Variants in TEAD4 observed in about 807,000 individuals in gnomAD.
The protein encoded by TEAD4 is TEA domain transcription factor 4.
A neutral mutation model predicts 52.4 loss-of-function variants in TEAD4; 36 were observed. That is an observed-to-expected ratio of 0.69 (90% CI 0.53 to 0.91). The LOEUF is 0.91. Ranked by LOEUF, TEAD4 falls within the 40% of genes least tolerant of loss-of-function variation. The pLI is 0.00. For synonymous variants in TEAD4, 220 were observed against 231.0 expected, an observed-to-expected ratio of 0.95 and a Z score of 0.43; for missense variants, 508 against 583.9, an observed-to-expected ratio of 0.87 and a Z score of 1.34.
chr12:3,038,603 C>G (rs904888776), intron 11 of TEAD4, among the ~76,000 whole-genome samples: 5 of 152,202 alleles, frequency 3.3e-5, no homozygotes, highest in African/African-American at 7.2e-5. Context: ...AGACCCTGCT[C>G]TAATGGAAGT....
intron 3 of TEAD4, among the ~76,000 whole-genome samples, chr12:3,004,671 A>G (rs912514168): frequency 1.3e-5 from 2 of 152,226 alleles, no homozygotes; most frequent in African/African-American, 2.4e-5. Flanking sequence ...GAAAGGGTGA[A>G]TGCAGATAAA....
intron 10 of TEAD4, among the ~76,000 whole-genome samples, chr12:3,036,288 G>C (rs1209056908): frequency 6.6e-6 from 1 of 152,100 alleles, no homozygotes; most frequent in Non-Finnish European, 1.5e-5. Context: ...TGTGTTTGTA[G>C]TCATCCATGA....
chr12:2,968,801 A>C (rs2098222725), intron 2 of TEAD4, among the ~76,000 whole-genome samples: 2 of 151,964 alleles, frequency 1.3e-5, no homozygotes, highest in Non-Finnish European at 2.9e-5. Flanking sequence ...GGTTTGTGCC[A>C]CCATGCCCTG....
At chr12:3,017,119 C>A in intron 5 of TEAD4, 1 of 581,414 alleles carries the variant, frequency 1.7e-6, no homozygotes. Flanking sequence ...AGAAGGTGGC[C>A]CCGTAATTAA....
Position 2,994,833 on chromosome 12 carries a change from A to C in TEAD4, c.67A>C (p.Thr23Pro), listed in dbSNP as rs758180158. The C allele has an allele frequency of 6.2e-7, 1 of 1,613,976 alleles. No individual in the cohort carries two copies. The highest frequency in any genetic ancestry group is 1.1e-5 in the South Asian group (1 of 91,076). ...CTCTCCCACCTCCCCTGAGGGGAGC[A>C]CCGCCTCTGGGGGCAGTCAGGCACT... Residue 23 changes from threonine (T) to proline (P), a missense_variant, in exon 3 of 13, where the codon ACC becomes CCC. By Grantham distance (38) the Thr-to-Pro change is conservative. Coordinates refer to ENST00000359864, the MANE Select transcript of TEAD4 (RefSeq NM_003213.4). This position sits in a 1 kb window ranked among gnomAD's most constrained non-coding sequence, Gnocchi z 4.7.
intron 10 of TEAD4, among the ~76,000 whole-genome samples, chr12:3,033,143 C>G (rs1023170537): frequency 1.3e-5 from 2 of 152,182 alleles, no homozygotes; most frequent in Non-Finnish European, 2.9e-5. Flanking sequence ...TCAGAACCCC[C>G]TTGGAGTGGG....
intron 8 of TEAD4, 78 bp from the exon 9 acceptor site, chr12:3,020,556 G>A (rs183199788): frequency 1.4e-6 from 2 of 1,440,358 alleles, no homozygotes; most frequent in East Asian, 5.3e-5. Flanking sequence ...GTCCGAGGAG[G>A]CCTGGGGTCC....
At chr12:3,011,391 C>T (rs545450514) in intron 4 of TEAD4, among the ~76,000 whole-genome samples, 54 of 152,140 alleles carry the variant, frequency 3.5e-4, no homozygotes, top group Middle Eastern at 6.8e-3. Context: ...CCACAATGCC[C>T]GGCTAATTTT....
At chr12:2,986,123 A>C (rs2098238304) in intron 2 of TEAD4, among the ~76,000 whole-genome samples, 1 of 152,156 alleles carries the variant, frequency 6.6e-6, no homozygotes, top group South Asian at 2.1e-4. Context: ...ATAAAAACAG[A>C]GACAAACGCA....
In TEAD4 at chr12:2,994,760, C is replaced by T. The variant is rs768112007; in HGVS notation, c.-7C>T. 14 of 1,601,032 alleles carry T rather than the reference C, an allele frequency of 8.7e-6. No homozygotes were observed. Among genetic ancestry groups the T allele is most frequent in the Admixed American group, 5.1e-5 (3 of 58,710 alleles). ...CAGGTCCAACGAGCGCTCCTCCAAG[C>T]GGAGCCTTGGAGGGCACGGCCGGCA... On this transcript the variant is annotated 5_prime_UTR_variant, in exon 3 of 13. Transcript: ENST00000359864. This position sits in a 1 kb window ranked among gnomAD's most constrained non-coding sequence, Gnocchi z 4.7.
intron 10 of TEAD4, among the ~76,000 whole-genome samples, chr12:3,029,908 GGAC>G (rs1487960840): frequency 3.9e-5 from 6 of 152,232 alleles, no homozygotes; most frequent in Admixed American, 3.9e-4. Context: ...TGTGTTTACT[GGAC>G]TTTTTTTTCC....
intron 3 of TEAD4, among the ~76,000 whole-genome samples, chr12:3,005,521 G>C (rs961198732): frequency 3.3e-5 from 5 of 151,584 alleles, no homozygotes; most frequent in Non-Finnish European, 5.9e-5. Context: ...TTTTGAGACA[G>C]AGTCTCGCTC....
intron 3 of TEAD4, 46 bp from the exon 4 acceptor site, chr12:3,010,958 G>T (rs2098259817): frequency 6.2e-7 from 1 of 1,611,830 alleles, no homozygotes. Flanking sequence ...ACTGCTTCCA[G>T]CCTTTTGTCC....
intron 10 of TEAD4, among the ~76,000 whole-genome samples, chr12:3,035,402 T>C (rs1422221559): frequency 1.3e-5 from 2 of 152,228 alleles, no homozygotes; most frequent in Non-Finnish European, 2.9e-5. Context: ...TTTCAGGCAT[T>C]GTTCACATTT....
intron 2 of TEAD4, among the ~76,000 whole-genome samples, chr12:2,961,023 G>A (rs2098214833): frequency 6.6e-6 from 1 of 151,660 alleles, no homozygotes; most frequent in South Asian, 2.1e-4. Context: ...CCTGGAATAG[G>A]TCAAAAAGCT....
chr12:2,965,828 G>T (rs1055776423), intron 2 of TEAD4, among the ~76,000 whole-genome samples: 2 of 152,148 alleles, frequency 1.3e-5, no homozygotes, highest in Non-Finnish European at 2.9e-5. Flanking sequence ...ACAGGCGTGA[G>T]CCACCGCGCC....
intron 9 of TEAD4, among the ~76,000 whole-genome samples, chr12:3,021,190 C>G (rs1005211384): frequency 6.6e-6 from 1 of 152,198 alleles, no homozygotes; most frequent in Non-Finnish European, 1.5e-5. Flanking sequence ...CAGCCTGTCC[C>G]CTTCGGTGTC....
chr12:3,017,853 G>A (rs547009421), intron 6 of TEAD4, among the ~76,000 whole-genome samples: 10 of 152,306 alleles, frequency 6.6e-5, no homozygotes, highest in African/African-American at 1.9e-4. Flanking sequence ...GGGGCTGAGC[G>A]GAAGCCTGAG....
intron 2 of TEAD4, among the ~76,000 whole-genome samples, chr12:2,967,277 A>G (rs1018828302): frequency 3.9e-5 from 6 of 152,192 alleles, no homozygotes; most frequent in Non-Finnish European, 7.3e-5. Context: ...AAATCTATAT[A>G]TTTTAACATA....
Sources: gnomAD v4.1 joint callset for allele counts (sites outside exome capture counted in the v4.1 genomes callset) on GRCh38, gnomAD v4.1.1 for gene constraint, Gnocchi (gnomAD v3.1) non-coding constraint, MANE v1.5 for transcripts, NCBI Gene and HGNC (gene_info 2026-07-23, HGNC 2026-07-21) for gene names.